Variants in CADM2 observed in about 807,000 individuals in gnomAD.
CADM2 encodes cell adhesion molecule 2.
A neutral mutation model predicts 49.8 loss-of-function variants in CADM2; 12 were observed. That is an observed-to-expected ratio of 0.24 (90% confidence interval 0.15 to 0.39). The LOEUF is 0.39. Among genes scored for constraint, CADM2 ranks in the 10% least tolerant of loss-of-function variants. The pLI, the probability that CADM2 is intolerant of heterozygous loss-of-function variation, is 1.00. For synonymous variants in CADM2, 214 were observed against 175.4 expected, an observed-to-expected ratio of 1.22 and a Z score of -1.74; for missense variants, 378 against 492.3, an observed-to-expected ratio of 0.77 and a Z score of 2.20.
chr3:85,103,022 T>C (rs887746786), intron 1 of CADM2, among the ~76,000 whole-genome samples: 1 of 152,114 alleles, frequency 6.6e-6, no homozygotes, highest in African/African-American at 2.4e-5. Context: ...TGGACAGTCA[T>C]TAATTCCCAA....
chr3:85,756,050 C>CTGGT (rs1559635380), intron 2 of CADM2, among the ~76,000 whole-genome samples: 1 of 152,102 alleles, frequency 6.6e-6, no homozygotes, highest in Non-Finnish European at 1.5e-5. Flanking sequence ...TTAGCATAAA[C>CTGGT]TCAAGTATGG....
chr3:85,856,074 A>G (rs2075307263), intron 3 of CADM2, among the ~76,000 whole-genome samples: 1 of 152,266 alleles, frequency 6.6e-6, no homozygotes, highest in African/African-American at 2.4e-5. Flanking sequence ...ATTTATAGCA[A>G]TGAAGAGATT....
At chr3:84,972,949 C>T (rs1478658221) in intron 1 of CADM2, among the ~76,000 whole-genome samples, 2 of 152,136 alleles carry the variant, frequency 1.3e-5, no homozygotes, top group African/African-American at 4.8e-5. Flanking sequence ...GAGTCTTGCT[C>T]TGTCGCCCAG....
intron 1 of CADM2, among the ~76,000 whole-genome samples, chr3:85,444,691 A>G (rs2037366047): frequency 6.6e-6 from 1 of 152,172 alleles, no homozygotes; most frequent in Non-Finnish European, 1.5e-5. Context: ...CATATAACAT[A>G]CACTTGACTT....
intron 1 of CADM2, among the ~76,000 whole-genome samples, chr3:85,500,323 A>C (rs925510876): frequency 4.6e-5 from 7 of 152,128 alleles, no homozygotes; most frequent in Non-Finnish European, 1.0e-4. Context: ...TGCTCTAGTT[A>C]ATCAGTTTAA....
At chr3:85,996,094 A>C (rs956281488) in intron 8 of CADM2, among the ~76,000 whole-genome samples, 1 of 150,716 alleles carries the variant, frequency 6.6e-6, no homozygotes, top group African/African-American at 2.4e-5. Flanking sequence ...TGCCTAAAAA[A>C]AAAAAATAAA....
intron 1 of CADM2, among the ~76,000 whole-genome samples, chr3:85,014,326 C>A (rs930888442): frequency 1.8e-4 from 27 of 151,520 alleles, no homozygotes; most frequent in African/African-American, 6.3e-4. Flanking sequence ...ACATTTATTG[C>A]AGAATGTTGT....
chr3:85,802,643 A>G (rs1446226641), intron 3 of CADM2, among the ~76,000 whole-genome samples: 1 of 152,140 alleles, frequency 6.6e-6, no homozygotes, highest in African/African-American at 2.4e-5. Flanking sequence ...GAATTGTAAA[A>G]ATGATTCACA....
At chr3:85,502,637 G>T (rs1264127354) in intron 1 of CADM2, among the ~76,000 whole-genome samples, 1 of 152,172 alleles carries the variant, frequency 6.6e-6, no homozygotes. Context: ...GAAAAAAAAT[G>T]TAGCAGTCTT....
chr3:85,258,270 G>T (rs750705925), intron 1 of CADM2, among the ~76,000 whole-genome samples: 22 of 152,098 alleles, frequency 1.4e-4, no homozygotes, highest in Non-Finnish European at 3.1e-4. Context: ...AGCTCTGGCA[G>T]ATAATAAAAT....
chr3:85,553,708 C>T (rs2061875447), intron 1 of CADM2, among the ~76,000 whole-genome samples: 1 of 152,198 alleles, frequency 6.6e-6, no homozygotes, highest in African/African-American at 2.4e-5. Flanking sequence ...TGTGTGGGAA[C>T]TAGTAATCTG....
At chr3:85,074,797 G>A (rs2036879730) in intron 1 of CADM2, among the ~76,000 whole-genome samples, 2 of 151,840 alleles carry the variant, frequency 1.3e-5, no homozygotes, top group Non-Finnish European at 2.9e-5. Context: ...TTGTTCTCAC[G>A]TATATCAGTA....
intron 1 of CADM2, among the ~76,000 whole-genome samples, chr3:85,480,558 T>G (rs2039170276): frequency 6.6e-6 from 1 of 151,874 alleles, no homozygotes; most frequent in Admixed American, 6.6e-5. Context: ...TGTAACATCT[T>G]AGAAAAGTAC....
At chr3:85,580,057 C>T (rs1014871011) in intron 1 of CADM2, among the ~76,000 whole-genome samples, 14 of 152,058 alleles carry the variant, frequency 9.2e-5, no homozygotes, top group Non-Finnish European at 1.9e-4. Context: ...TTGACATCTA[C>T]GTTTTGAGGA....
In CADM2 at chr3:85,757,970, G is replaced by T. The variant is rs115961970; in HGVS notation, c.88+31422G>T. ...CGCCAGGGTGTGCAGAGGATGTAAA[G>T]TACCACAGACCAACAGATGGAAAAG... On this transcript the variant is annotated intron_variant, in intron 2 of 9. Coordinates refer to ENST00000383699, the MANE Select transcript of CADM2 (RefSeq NM_001167675.2). 3.2e-3 allele frequency among the ~76,000 whole-genome samples: 488 copies of T among 152,252 alleles called. 1 individual carries two copies. The highest frequency in any genetic ancestry group is 5.2e-3 in the Non-Finnish European group (354 of 68,000).
At chr3:85,635,161 A>G (rs931467059) in intron 1 of CADM2, among the ~76,000 whole-genome samples, 5 of 152,242 alleles carry the variant, frequency 3.3e-5, no homozygotes, top group Non-Finnish European at 4.4e-5. Context: ...CTCCATTGCT[A>G]TATTTCTTCT....
At chr3:85,677,798 C>T (rs1425131546) in intron 1 of CADM2, among the ~76,000 whole-genome samples, 4 of 152,084 alleles carry the variant, frequency 2.6e-5, no homozygotes, top group Non-Finnish European at 5.9e-5. Flanking sequence ...GCAGATGAAA[C>T]AGTGCTCTTC....
chr3:85,420,968 C>T (rs1314198076), intron 1 of CADM2, among the ~76,000 whole-genome samples: 1 of 151,934 alleles, frequency 6.6e-6, no homozygotes, highest in Admixed American at 6.6e-5. Flanking sequence ...CTTGCCATAG[C>T]AATAATGGGG....
chr3:85,179,811 T>C (rs1470579722), intron 1 of CADM2, among the ~76,000 whole-genome samples: 1 of 152,118 alleles, frequency 6.6e-6, no homozygotes, highest in African/African-American at 2.4e-5. Flanking sequence ...AAGCCAACCT[T>C]TTTAATATTT....
Sources: gnomAD v4.1 joint callset for allele counts (sites outside exome capture counted in the v4.1 genomes callset) on GRCh38, gnomAD v4.1.1 for gene constraint, MANE v1.5 for transcripts, NCBI Gene and HGNC (gene_info 2026-07-23, HGNC 2026-07-21) for gene names.